Variants in CDH13 observed in about 807,000 individuals in gnomAD.
The protein encoded by CDH13 is cadherin 13.
CDH13 carries 24 observed loss-of-function variants against 63.8 expected under a neutral mutation model. The ratio of observed to expected loss-of-function variants is 0.38; its 90% CI spans 0.27 to 0.53. CDH13 has a LOEUF of 0.53. Among genes scored for constraint, CDH13 ranks in the 20% least tolerant of loss-of-function variants. The pLI, the probability that CDH13 is intolerant of heterozygous loss-of-function variation, is 0.85. For synonymous variants in CDH13, 503 were observed against 355.3 expected, an observed-to-expected ratio of 1.42 and a Z score of -4.67; for missense variants, 1,049 against 903.1, an observed-to-expected ratio of 1.16 and a Z score of -2.07.
intron 2 of CDH13, among the ~76,000 whole-genome samples, chr16:82,889,744 A>T (rs1184541434): frequency 6.6e-6 from 1 of 152,240 alleles, no homozygotes; most frequent in African/African-American, 2.4e-5. Flanking sequence ...AGAAAGAAAA[A>T]TTGAGTATAT....
chr16:83,673,212 T>C (rs1598451100), intron 9 of CDH13, among the ~76,000 whole-genome samples: 1 of 152,312 alleles, frequency 6.6e-6, no homozygotes, highest in South Asian at 2.1e-4. Flanking sequence ...ACCTAATCCA[T>C]ACGAATACTG....
chr16:83,294,906 A>G (rs1366298367), intron 5 of CDH13, among the ~76,000 whole-genome samples: 5 of 152,188 alleles, frequency 3.3e-5, no homozygotes, highest in Admixed American at 3.3e-4. Context: ...AAACCACAAA[A>G]GACCATGGAT....
intron 10 of CDH13, among the ~76,000 whole-genome samples, chr16:83,693,927 T>A (rs907835808): frequency 1.3e-5 from 2 of 152,218 alleles, no homozygotes; most frequent in African/African-American, 4.8e-5. Flanking sequence ...GTTGAATGTT[T>A]GAAGTGAAAT....
chr16:83,279,801 C>A (rs1476239796), intron 5 of CDH13, among the ~76,000 whole-genome samples: 1 of 151,550 alleles, frequency 6.6e-6, no homozygotes. Context: ...GATTTCAGAC[C>A]ACCACAATCA....
At chr16:82,988,702 C>T (rs140000449) in intron 2 of CDH13, among the ~76,000 whole-genome samples, 1,988 of 149,738 alleles carry the variant, frequency 0.013, 23 homozygotes, top group Non-Finnish European at 0.019. Context: ...GCGGAGGTTG[C>T]AGTGAGCCAA....
chr16:83,660,408 G>T (rs1411766353), intron 8 of CDH13, among the ~76,000 whole-genome samples: 1 of 152,090 alleles, frequency 6.6e-6, no homozygotes, highest in African/African-American at 2.4e-5. Flanking sequence ...TCACTATAGG[G>T]TTTGTGCTCC....
intron 2 of CDH13, among the ~76,000 whole-genome samples, chr16:82,948,708 A>AATTTTCT (rs777505443): frequency 1.3e-5 from 2 of 152,166 alleles, no homozygotes; most frequent in Non-Finnish European, 2.9e-5. Flanking sequence ...CTTGTTTTTA[A>AATTTTCT]ATTTTCTCTC....
intron 8 of CDH13, among the ~76,000 whole-genome samples, chr16:83,659,127 C>G: frequency 6.9e-6 from 1 of 144,444 alleles, no homozygotes; most frequent in African/African-American, 2.6e-5. Flanking sequence ...ACCACCAGGT[C>G]CCATGTCCTC....
At chr16:82,986,181 G>A (rs1910913039) in intron 2 of CDH13, among the ~76,000 whole-genome samples, 1 of 152,194 alleles carries the variant, frequency 6.6e-6, no homozygotes, top group Admixed American at 6.5e-5. Context: ...TGCAAGTTCA[G>A]CCAGGCACTC....
chr16:83,645,945 C>A (rs1330254329), intron 8 of CDH13, among the ~76,000 whole-genome samples: 1 of 152,178 alleles, frequency 6.6e-6, no homozygotes, highest in Non-Finnish European at 1.5e-5. Flanking sequence ...AATTGTGAAT[C>A]CTTTCCTGGT....
chr16:83,762,580 T>C (rs929525402), intron 11 of CDH13, among the ~76,000 whole-genome samples: 2 of 152,168 alleles, frequency 1.3e-5, no homozygotes, highest in Non-Finnish European at 2.9e-5. Context: ...CGCCCTGTCT[T>C]ATGTGGGCTG....
At chr16:83,577,620 A>G (rs1050546338) in intron 7 of CDH13, among the ~76,000 whole-genome samples, 1 of 152,176 alleles carries the variant, frequency 6.6e-6, no homozygotes, top group African/African-American at 2.4e-5. Flanking sequence ...GCAAAGCCTG[A>G]GACTCATGGG....
chr16:83,413,018 T>G (rs2092150252), intron 6 of CDH13, among the ~76,000 whole-genome samples: 1 of 152,234 alleles, frequency 6.6e-6, no homozygotes, highest in Non-Finnish European at 1.5e-5. Context: ...TCCAATATAT[T>G]GACATTTTAT....
chr16:83,634,403 CTTT>C (rs36010432), intron 8 of CDH13, among the ~76,000 whole-genome samples: 6 of 141,010 alleles, frequency 4.3e-5, no homozygotes, highest in Non-Finnish European at 6.2e-5. Flanking sequence ...GATATTAACT[CTTT>C]TTTTTTTTTT....
intron 6 of CDH13, among the ~76,000 whole-genome samples, chr16:83,391,771 T>A (rs187175378): frequency 6.6e-6 from 1 of 152,320 alleles, no homozygotes; most frequent in African/African-American, 2.4e-5. Flanking sequence ...TTTTCCAGAA[T>A]TGGTGAGATT....
chr16:82,903,433 G>T (rs2041535139), intron 2 of CDH13, among the ~76,000 whole-genome samples: 1 of 152,140 alleles, frequency 6.6e-6, no homozygotes, highest in African/African-American at 2.4e-5. Flanking sequence ...CACATAAGTG[G>T]GAGCCCTAGC....
At chr16:82,914,097 CA>C (rs1472827888) in intron 2 of CDH13, among the ~76,000 whole-genome samples, 1 of 152,084 alleles carries the variant, frequency 6.6e-6, no homozygotes, top group Non-Finnish European at 1.5e-5. Flanking sequence ...GTACAGAAAC[CA>C]GGACAGAACT....
intron 3 of CDH13, among the ~76,000 whole-genome samples, chr16:83,115,890 G>T (rs548725900): frequency 2.0e-5 from 3 of 152,330 alleles, no homozygotes; most frequent in African/African-American, 7.2e-5. Flanking sequence ...AGGGAATGAG[G>T]ACAAATTATC....
intron 2 of CDH13, among the ~76,000 whole-genome samples, chr16:82,994,316 C>G (rs370799584): frequency 1.7e-4 from 26 of 152,298 alleles, no homozygotes; most frequent in East Asian, 1.2e-3. Flanking sequence ...TAGTACAACC[C>G]TGGCCCTTGC....
Sources: gnomAD v4.1 joint callset for allele counts (sites outside exome capture counted in the v4.1 genomes callset) on GRCh38, gnomAD v4.1.1 for gene constraint, MANE v1.5 for transcripts, NCBI Gene and HGNC (gene_info 2026-07-23, HGNC 2026-07-21) for gene names.